The following ADGRL3 variants were observed in gnomAD, a reference collection of about 807,000 sequenced individuals.
The protein encoded by ADGRL3 is adhesion G protein-coupled receptor L3, also known as calcium-independent alpha-latrotoxin receptor 3.
Under a neutral mutation model 153.5 loss-of-function variants are expected in ADGRL3, and 62 were observed. The ratio of observed to expected loss-of-function variants is 0.40; its 90% confidence interval spans 0.33 to 0.50. The LOEUF (loss-of-function observed/expected upper bound fraction) is 0.50. ADGRL3 is among the 20% of genes least tolerant of loss of function. The pLI is 0.47. For synonymous variants in ADGRL3, 710 were observed against 672.5 expected, an observed-to-expected ratio of 1.06 and a Z score of -0.86; for missense variants, 1,641 against 1,859.4, an observed-to-expected ratio of 0.88 and a Z score of 2.16.
chr4:61,756,464 G>C (rs556768115), intron 8 of ADGRL3, among the ~76,000 whole-genome samples: 3 of 152,272 alleles, frequency 2.0e-5, no homozygotes, highest in African/African-American at 7.2e-5. Context: ...TTTGCACATT[G>C]ATTTTGTATC....
intron 5 of ADGRL3, among the ~76,000 whole-genome samples, chr4:61,646,622 C>T (rs1196416985): frequency 6.6e-6 from 1 of 151,922 alleles, no homozygotes; most frequent in Non-Finnish European, 1.5e-5. Context: ...CTTGAGGAGG[C>T]AGTCTGCCCG....
Position 61,659,639 on chromosome 4 carries a change from G to A in ADGRL3, c.474-17187G>A, listed in dbSNP as rs76464325. 8.1e-3 allele frequency among the ~76,000 whole-genome samples: 1,232 copies of A among 152,142 alleles called. 19 individuals carry two copies. The highest frequency in any genetic ancestry group is 0.028 in the African/African-American group (1,153 of 41,536). On this transcript the variant is annotated intron_variant, in intron 5 of 26. Transcript: ENST00000683033. ...AAAGGAAGCAGGAATACCTTGAATC[G>A]AGAACAAAGAGAAGTTAGTTCTTTT...
chr4:61,488,160 A>G (rs1308894145), intron 2 of ADGRL3, among the ~76,000 whole-genome samples: 1 of 152,038 alleles, frequency 6.6e-6, no homozygotes, highest in Non-Finnish European at 1.5e-5. Context: ...TTGTTTCTAA[A>G]CATTAATAGA....
chr4:62,062,773 G>A (rs1035369846), intron 25 of ADGRL3, among the ~76,000 whole-genome samples: 9 of 151,940 alleles, frequency 5.9e-5, no homozygotes, highest in Non-Finnish European at 8.8e-5. Context: ...AATGGAAAAC[G>A]GAAAATGGAA....
intron 2 of ADGRL3, among the ~76,000 whole-genome samples, chr4:61,383,698 A>C (rs2096701608): frequency 6.6e-6 from 1 of 151,854 alleles, no homozygotes; most frequent in South Asian, 2.1e-4. Flanking sequence ...TTTTGGTAGC[A>C]ACACGATGTT....
intron 1 of ADGRL3, among the ~76,000 whole-genome samples, chr4:61,330,790 C>T (rs1043561910): frequency 6.6e-6 from 1 of 152,070 alleles, no homozygotes; most frequent in African/African-American, 2.4e-5. Context: ...CTTATTTGTC[C>T]CCACCCATGG....
In ADGRL3 at chr4:62,076,295, T is replaced by A. The variant is rs1029778796; in HGVS notation, c.*5387T>A. On this transcript the variant is annotated 3_prime_UTR_variant, in exon 27 of 27. Transcript: ENST00000683033. ...TAGTATGTCAAAAGCATTGTTCTCA[T>A]TTGATAATTTGTGTCCCGTTACAGT... The A allele has an allele frequency of 2.6e-5, 4 of 152,120 alleles. No individual in the cohort carries two copies. Among genetic ancestry groups the A allele is most frequent in the Admixed American group, 1.3e-4 (2 of 15,258 alleles). The allele number at this position is 152,120 out of a possible 1,614,324, so 9.4% of individuals were successfully genotyped here.
At chr4:61,453,243 A>G (rs1261827912) in intron 2 of ADGRL3, among the ~76,000 whole-genome samples, 2 of 152,160 alleles carry the variant, frequency 1.3e-5, no homozygotes, top group Admixed American at 1.3e-4. Flanking sequence ...CATGTGAGAA[A>G]TATATAACAG....
chr4:61,585,603 G>A (rs545481325), intron 4 of ADGRL3, among the ~76,000 whole-genome samples: 2 of 152,076 alleles, frequency 1.3e-5, no homozygotes, highest in African/African-American at 2.4e-5. Flanking sequence ...AAGCTATCAT[G>A]TATGTTTCTC....
intron 13 of ADGRL3, among the ~76,000 whole-genome samples, chr4:61,922,436 A>G (rs1006344143): frequency 6.6e-6 from 1 of 152,202 alleles, no homozygotes; most frequent in Non-Finnish European, 1.5e-5. Context: ...TTACATTAGT[A>G]TGGTATATTT....
intron 24 of ADGRL3, among the ~76,000 whole-genome samples, chr4:62,041,126 A>C (rs1244191752): frequency 2.0e-5 from 3 of 152,072 alleles, no homozygotes; most frequent in Non-Finnish European, 4.4e-5. Flanking sequence ...TTAGAAATGA[A>C]AGTGACAGGA....
intron 9 of ADGRL3, among the ~76,000 whole-genome samples, chr4:61,816,177 A>G (rs1005447126): frequency 3.9e-5 from 6 of 152,204 alleles, no homozygotes; most frequent in African/African-American, 1.4e-4. Flanking sequence ...ATGATTTGAA[A>G]AAGAGTACTA....
intron 1 of ADGRL3, among the ~76,000 whole-genome samples, chr4:61,279,975 A>G (rs944269668): frequency 4.6e-5 from 7 of 152,172 alleles, no homozygotes; most frequent in African/African-American, 1.4e-4. Flanking sequence ...GTACAAATAC[A>G]TAGGAATGTA....
intron 4 of ADGRL3, among the ~76,000 whole-genome samples, chr4:61,562,750 C>T (rs2098800381): frequency 6.6e-6 from 1 of 152,060 alleles, no homozygotes; most frequent in African/African-American, 2.4e-5. Flanking sequence ...CCCTCAAAAT[C>T]ACCCATGAGG....
At chr4:61,748,530 G>T (rs1422764281) in intron 8 of ADGRL3, among the ~76,000 whole-genome samples, 1 of 152,080 alleles carries the variant, frequency 6.6e-6, no homozygotes, top group African/African-American at 2.4e-5. Context: ...CAATGGAACA[G>T]ATCAGAGCCC....
chr4:61,538,623 G>A (rs558454165), intron 4 of ADGRL3, among the ~76,000 whole-genome samples: 1 of 152,124 alleles, frequency 6.6e-6, no homozygotes, highest in African/African-American at 2.4e-5. Context: ...TGTATTTTTA[G>A]TAGAGACAGG....
At chr4:61,991,368 G>A (rs1295302600) in intron 19 of ADGRL3, among the ~76,000 whole-genome samples, 1 of 151,860 alleles carries the variant, frequency 6.6e-6, no homozygotes, top group Non-Finnish European at 1.5e-5. Context: ...ACTAAGATGA[G>A]ACCATGGCAA....
chr4:61,685,976 T>G (rs897160412), intron 6 of ADGRL3, among the ~76,000 whole-genome samples: 1 of 152,044 alleles, frequency 6.6e-6, no homozygotes, highest in Non-Finnish European at 1.5e-5. Context: ...TACTAATTAG[T>G]AAGGAATCGA....
At chr4:61,353,823 T>TTATAG (rs10629213) in intron 1 of ADGRL3, among the ~76,000 whole-genome samples, 1 of 244 alleles carries the variant, frequency 4.1e-3, no homozygotes, top group Non-Finnish European at 0.019. Flanking sequence ...TTAGCATTTT[T>TTATAG]GTAGATGATG....
Sources: allele counts gnomAD v4.1 joint callset (sites outside exome capture counted in the v4.1 genomes callset), GRCh38; gene constraint gnomAD v4.1.1; transcripts MANE v1.5; gene names NCBI Gene and HGNC (gene_info 2026-07-23, HGNC 2026-07-21).